TECPR2: variants seen among roughly 807,000 people sequenced by gnomAD.
TECPR2 encodes tectonin beta-propeller repeat containing 2.
TECPR2 carries 65 observed loss-of-function variants against 138.1 expected under a neutral mutation model. The observed-to-expected ratio is 0.47, with a 90% CI of 0.39 to 0.58. The LOEUF (loss-of-function observed/expected upper bound fraction) is 0.58. Among genes scored for constraint, TECPR2 ranks in the 20% least tolerant of loss-of-function variants. TECPR2 has a pLI of 0.00. For synonymous variants in TECPR2, 746 were observed against 749.8 expected, an observed-to-expected ratio of 0.99 and a Z score of 0.08; for missense variants, 1,553 against 1,824.5, an observed-to-expected ratio of 0.85 and a Z score of 2.71.
Position 102,443,867 on chromosome 14 carries a change from C to G in TECPR2, c.2933+40C>G, listed in dbSNP as rs371424888. On this transcript the variant is annotated intron_variant, in intron 12 of 19. Coordinates refer to ENST00000359520, the MANE Select transcript of TECPR2 (RefSeq NM_014844.5). This position sits in a 1 kb window ranked among gnomAD's most constrained non-coding sequence, Gnocchi z 4.9. The stretch of plus-strand genomic sequence containing the variant: ...GAGACTCCTTTCACATCGTGCTTGT[C>G]CTACCCTTCGTTCTTGTCCACTTGA... 3.4e-5 allele frequency: 51 copies of G among 1,481,398 alleles called. No individual in the cohort carries two copies. Among genetic ancestry groups the G allele is most frequent in the Non-Finnish European group, 4.4e-5 (49 of 1,101,344 alleles). 91.8% of individuals were successfully genotyped at this position (1,481,398 alleles called of 1,614,324 possible).
rs1890960625 is a variant in TECPR2, at chr14:102,483,979, TAG to T, written c.3790-12996_3790-12995del. On this transcript the variant is annotated intron_variant, in intron 17 of 19. Coordinates refer to ENST00000359520, the MANE Select transcript of TECPR2 (RefSeq NM_014844.5). ...GCCTGGCTGATTCTTATATTTTCAG[TAG>T]AGACAAGGTTTCACCATGTTTGCCA... Among the ~76,000 whole-genome samples, 3 of 65,168 alleles carry T rather than the reference TAG, an allele frequency of 4.6e-5. 1 individual carries two copies. Among genetic ancestry groups the T allele is most frequent in the African/African-American group, 1.6e-4 (2 of 12,460 alleles). The allele number at this position is 65,168 out of a possible 152,430, so 42.8% of individuals were successfully genotyped here. A position where few individuals can be genotyped will look rare whatever the true frequency, so the allele number is the denominator to read the frequency against.
intron 1 of TECPR2, among the ~76,000 whole-genome samples, chr14:102,372,414 C>T (rs1053582013): frequency 5.9e-5 from 9 of 152,084 alleles, no homozygotes; most frequent in African/African-American, 7.2e-5. Context: ...TACAGGCATG[C>T]GCCACCACGC....
At chr14:102,373,979 GCT>G (rs1406744854) in intron 1 of TECPR2, among the ~76,000 whole-genome samples, 1 of 151,478 alleles carries the variant, frequency 6.6e-6, no homozygotes, top group Non-Finnish European at 1.5e-5. Flanking sequence ...TACTCGGGAG[GCT>G]GAGGCAGAAG....
rs773268003 is a variant in TECPR2, at chr14:102,435,101, C to T, written c.2284C>T (p.Leu762Phe). 3.3e-5 allele frequency: 54 copies of T among 1,613,698 alleles called. No homozygotes were observed. The Admixed American group carries it at 7.0e-4, about 21-fold the overall frequency. The change falls in exon 9 of 20, where the codon CTT (leucine) becomes TTT (phenylalanine). Residue 762 changes from leucine to phenylalanine, a missense_variant. Leu to Phe is a conservative substitution (Grantham distance 22). Coordinates refer to ENST00000359520, the MANE Select transcript of TECPR2 (RefSeq NM_014844.5). ...SDEEDIYAHG[L>F]PSSSSETSVT... ...TGAGGAGGACATCTATGCCCACGGG[C>T]TTCCTTCTTCATCCTCAGAGACGAG...
intron 2 of TECPR2, among the ~76,000 whole-genome samples, chr14:102,378,165 CTCTAT>C (rs543950587): frequency 2.8e-4 from 42 of 152,308 alleles, no homozygotes; most frequent in African/African-American, 8.4e-4. Flanking sequence ...CCACATGGGA[CTCTAT>C]TCTGTCTGTG....
chr14:102,377,158 CTTTA>C (rs1257846515), intron 2 of TECPR2, among the ~76,000 whole-genome samples: 5 of 152,148 alleles, frequency 3.3e-5, no homozygotes, highest in East Asian at 1.9e-4. Context: ...TCTAACATCA[CTTTA>C]TTTATTTATT....
intron 4 of TECPR2, among the ~76,000 whole-genome samples, chr14:102,413,407 T>A (rs1888937436): frequency 6.6e-6 from 1 of 151,112 alleles, no homozygotes; most frequent in Non-Finnish European, 1.5e-5. Context: ...TGAGACAGAG[T>A]CTCACTGTGT....
intron 7 of TECPR2, 80 bp downstream of exon 7, chr14:102,428,462 G>T: frequency 1.3e-6 from 2 of 1,579,736 alleles, no homozygotes; most frequent in East Asian, 2.3e-5. Flanking sequence ...GTTAATAATT[G>T]ATCAAACTTA....
chr14:102,364,579 A>G (rs1470087941), intron 1 of TECPR2, among the ~76,000 whole-genome samples: 1 of 152,214 alleles, frequency 6.6e-6, no homozygotes, highest in Admixed American at 6.5e-5. Context: ...GGAAGATGGA[A>G]TGAGGATAAC....
chr14:102,463,431 A>G (rs1263608695), intron 16 of TECPR2, among the ~76,000 whole-genome samples: 10 of 151,098 alleles, frequency 6.6e-5, no homozygotes, highest in East Asian at 5.8e-4. Flanking sequence ...AAAAAAAAAA[A>G]AAAAAAAAGA....
chr14:102,432,570 T>C (rs1403727987), intron 8 of TECPR2, among the ~76,000 whole-genome samples: 1 of 152,074 alleles, frequency 6.6e-6, no homozygotes, highest in East Asian at 1.9e-4. Context: ...GAATTTTGTA[T>C]TTTTAGTAGA....
intron 17 of TECPR2, among the ~76,000 whole-genome samples, chr14:102,486,053 C>T (rs945765487): frequency 1.3e-5 from 2 of 152,196 alleles, no homozygotes; most frequent in Admixed American, 6.5e-5. Flanking sequence ...TGCTTCTGAG[C>T]GTTTTCTTTA....
intron 1 of TECPR2, among the ~76,000 whole-genome samples, chr14:102,372,923 A>C (rs1887544127): frequency 6.6e-6 from 1 of 152,188 alleles, no homozygotes; most frequent in Non-Finnish European, 1.5e-5. Flanking sequence ...CAAAAAAAAA[A>C]GCAACTTTTT....
intron 1 of TECPR2, among the ~76,000 whole-genome samples, chr14:102,374,620 T>C (rs2139654123): frequency 6.6e-6 from 1 of 152,256 alleles, no homozygotes; most frequent in South Asian, 2.1e-4. Context: ...ATATTTGTTT[T>C]AAAAGCGTGA....
At chr14:102,381,262 ATAG>A (rs1257624977) in intron 2 of TECPR2, among the ~76,000 whole-genome samples, 1 of 152,154 alleles carries the variant, frequency 6.6e-6, no homozygotes, top group Non-Finnish European at 1.5e-5. Context: ...CGCCTGGCCG[ATAG>A]TAGCACATTT....
chr14:102,484,137 T>A (rs1595147742), intron 17 of TECPR2, among the ~76,000 whole-genome samples: 1 of 152,124 alleles, frequency 6.6e-6, no homozygotes, highest in East Asian at 1.9e-4. Flanking sequence ...TAAGCTGGCC[T>A]CCACTTTTCC....
intron 2 of TECPR2, among the ~76,000 whole-genome samples, chr14:102,383,488 A>G (rs924027412): frequency 1.6e-4 from 25 of 151,838 alleles, no homozygotes; most frequent in African/African-American, 5.1e-4. Context: ...GCCCACTGCA[A>G]TCTCCGCCTC....
chr14:102,447,637 C>T lies in TECPR2; in HGVS notation c.3075+1690C>T, dbSNP rs567936227. On this transcript the variant is annotated intron_variant, in intron 13 of 19. Coordinates refer to ENST00000359520, the MANE Select transcript of TECPR2 (RefSeq NM_014844.5). ...GCAACCTCCGCCTCCTGGGTTCAAG[C>T]GATTCTCCTGCCTCAGCCTCCTGGG... Among the ~76,000 whole-genome samples, 20 of 151,836 alleles carry T rather than the reference C, an allele frequency of 1.3e-4. No individual in the cohort carries two copies. The South Asian group carries it at 2.3e-3, about 17-fold the overall frequency.
intron 17 of TECPR2, among the ~76,000 whole-genome samples, chr14:102,492,347 C>T (rs1891176042): frequency 6.6e-6 from 1 of 152,224 alleles, no homozygotes; most frequent in East Asian, 1.9e-4. Flanking sequence ...AGCCCAGGCC[C>T]TGGTGTCAGG....
Sources: allele counts gnomAD v4.1 joint callset (sites outside exome capture counted in the v4.1 genomes callset), GRCh38; gene constraint gnomAD v4.1.1; non-coding constraint Gnocchi (gnomAD v3.1); transcripts MANE v1.5; gene names NCBI Gene and HGNC (gene_info 2026-07-23, HGNC 2026-07-21).